ASAP3: variants seen among roughly 807,000 people sequenced by gnomAD.
ASAP3 encodes the protein ArfGAP with SH3 domain, ankyrin repeat and PH domain 3, also known as arf-GAP with SH3 domain, ANK repeat and PH domain-containing protein 3.
Under a neutral mutation model 118.2 loss-of-function variants are expected in ASAP3, and 85 were observed. The ratio of observed to expected loss-of-function variants is 0.72; its 90% CI spans 0.60 to 0.86. The LOEUF (loss-of-function observed/expected upper bound fraction) is 0.86, where lower values mean the gene tolerates loss of function less well. Among genes scored for constraint, ASAP3 ranks in the 40% least tolerant of loss-of-function variants. ASAP3 has a pLI of 0.00. For synonymous variants in ASAP3, 432 were observed against 477.4 expected (o/e 0.90, Z 1.24); for missense variants, 1,026 against 1,175.0 (o/e 0.87, Z 1.85).
rs779337722 is a variant in ASAP3, at chr1:23,433,142, G to A, written c.2258C>T (p.Pro753Leu). Reference protein sequence around the residue: ...TPQGESEDCPPPLPVKNSSRT... With the variant: ...TPQGESEDCPLPLPVKNSSRT... The stretch of plus-strand genomic sequence containing the variant: ...AGAAGAGTTTTTGACTGGCAAGGGC[G>A]GGGGACAGTCCTCACTCTCGCCCTG... Residue 753 changes from proline to leucine, a missense_variant, in exon 22 of 25, where the codon CCG becomes CTG. Physicochemically the swap from Pro to Leu is moderately conservative, Grantham distance 98. Transcript: ENST00000336689. 16 of 1,614,016 alleles carry A rather than the reference G, an allele frequency of 9.9e-6. No homozygotes were observed. Among genetic ancestry groups the A allele is most frequent in the South Asian group, 3.3e-5 (3 of 91,084 alleles).
chr1:23,477,020 A>T (rs553688756), intron 1 of ASAP3, among the ~76,000 whole-genome samples: 1 of 151,868 alleles, frequency 6.6e-6, no homozygotes, highest in East Asian at 2.0e-4. Context: ...TCTTAATAAA[A>T]TAATATTTTG....
Position 23,437,587 on chromosome 1 carries a change from G to A in ASAP3, c.1103-115C>T, listed in dbSNP as rs542922445. ...CATGGAGATGTGTCCCTGACAAGTC[G>A]GACTCTCAAGCTAGGAGTGGGAAGG... On this transcript the variant is annotated intron_variant, in intron 12 of 24. Coordinates refer to ENST00000336689, the MANE Select transcript of ASAP3 (RefSeq NM_017707.4). The surrounding 1 kb of genome is among the most constrained non-coding windows in gnomAD (Gnocchi z 6.1). 2.8e-3 allele frequency: 3,566 copies of A among 1,296,360 alleles called. 10 individuals are homozygous for A. The highest frequency in any genetic ancestry group is 3.5e-3 in the Non-Finnish European group (3,240 of 932,234). The allele number at this position is 1,296,360 out of a possible 1,614,324, so 80.3% of individuals were successfully genotyped here.
intron 1 of ASAP3, among the ~76,000 whole-genome samples, chr1:23,460,625 G>A (rs966383247): frequency 6.6e-6 from 1 of 152,122 alleles, no homozygotes; most frequent in Non-Finnish European, 1.5e-5. Context: ...CATTGTTGGT[G>A]GGAATGCAAA....
In ASAP3 at chr1:23,436,983, G is replaced by A. The variant is rs1449103560; in HGVS notation, c.1404C>T (p.His468=). The A allele has an allele frequency of 1.9e-6, 3 of 1,612,266 alleles. No homozygotes were observed. The Admixed American group carries it at 5.0e-5, about 27-fold the overall frequency. Residue 468 remains histidine, a synonymous_variant, in exon 15 of 25, where the codon CAC becomes CAT. Coordinates refer to ENST00000336689, the MANE Select transcript of ASAP3 (RefSeq NM_017707.4). The surrounding 1 kb of genome is among the most constrained non-coding windows in gnomAD (Gnocchi z 4.2). ...GCGAAAAGCGCACGCCCAGTTCGCG[G>A]TGGACGCCCGAGCACTGGATGCAGG... ...VLTCIQCSGV[H]RELGVRFSRM...
At chr1:23,433,745 G>A in intron 19 of ASAP3, 52 bp from the exon 20 acceptor site, 1 of 1,609,398 alleles carries the variant, frequency 6.2e-7, no homozygotes, top group South Asian at 1.1e-5. Context: ...AAACATTACA[G>A]CTTAGAGATT....
At chr1:23,484,322 T>C (rs1282288905), upstream of ASAP3, 1 of 471,248 alleles carries the variant, frequency 2.1e-6, no homozygotes, top group Non-Finnish European at 3.0e-6. Context: ...CCCCGGCTCC[T>C]CGCCTTCCTC....
At chr1:23,435,793 A>C in intron 17 of ASAP3, 58 bp downstream of exon 17, 1 of 1,595,150 alleles carries the variant, frequency 6.3e-7, no homozygotes, top group Non-Finnish European at 8.6e-7. Flanking sequence ...GTCCTGGAGA[A>C]GAACTGGGGA....
In ASAP3 at chr1:23,441,117, T is replaced by C; in HGVS notation, c.929A>G (p.Tyr310Cys). ...AATCACTTACCCGTCACTTTTCTTGTATAGAAAGCCCACTTTCTCCGTCCC... is the reference window on the plus strand; with the variant it reads ...AATCACTTACCCGTCACTTTTCTTGCATAGAAAGCCCACTTTCTCCGTCCC... The part of the protein sequence containing the change: ...QFGTEKVGFL[Y>C]KKSDGIRRVW... Residue 310 changes from tyrosine (Y) to cysteine (C), a missense_variant, in exon 10 of 25, where the codon TAC (tyrosine) becomes TGC (cysteine). Coordinates refer to ENST00000336689, the MANE Select transcript of ASAP3 (RefSeq NM_017707.4). 1.2e-6 allele frequency: 2 copies of C among 1,614,194 alleles called. No individual in the cohort carries two copies. The highest frequency in any genetic ancestry group is 1.7e-6 in the Non-Finnish European group (2 of 1,180,008).
chr1:23,473,326 C>A (rs2148659574), intron 1 of ASAP3, among the ~76,000 whole-genome samples: 1 of 152,300 alleles, frequency 6.6e-6, no homozygotes, highest in Middle Eastern at 3.4e-3. Flanking sequence ...GGTCTAAAAC[C>A]AGTCAAGTTA....
At chr1:23,483,113 T>TA (rs1642363975) in intron 1 of ASAP3, among the ~76,000 whole-genome samples, 1 of 152,150 alleles carries the variant, frequency 6.6e-6, no homozygotes, top group Admixed American at 6.5e-5. Flanking sequence ...CGCAGGGTGT[T>TA]ATGAACTACT....
chr1:23,455,073 T>C (rs1357297322), intron 3 of ASAP3, among the ~76,000 whole-genome samples: 1 of 152,152 alleles, frequency 6.6e-6, no homozygotes, highest in Non-Finnish European at 1.5e-5. Flanking sequence ...GAGGCTTTCC[T>C]GGGAGGCAGT....
chr1:23,434,447 G>A, intron 18 of ASAP3, 78 bp from the exon 19 acceptor site: 2 of 1,599,754 alleles, frequency 1.3e-6, no homozygotes, highest in African/African-American at 1.3e-5. Flanking sequence ...AAAAGTGGGA[G>A]GGGAAAGGAG....
chr1:23,437,145 C>G lies in ASAP3; in HGVS notation c.1327G>C (p.Asp443His). The change falls in exon 14 of 25, where the codon GAC becomes CAC. Residue 443 changes from aspartate (D) to histidine (H), a missense_variant. Transcript: ENST00000336689. This position sits in a 1 kb window ranked among gnomAD's most constrained non-coding sequence, Gnocchi z 6.1. ...GGGGACCGACCTGCAGCCCCGCAGTCGCAGCACTGGCTATTCCCAGGCCTG... is the reference window on the plus strand; with the variant it reads ...GGGGACCGACCTGCAGCCCCGCAGTGGCAGCACTGGCTATTCCCAGGCCTG... ...KSRPGNSQCCDCGAADPTWLS... is the reference protein window; with the variant it reads ...KSRPGNSQCCHCGAADPTWLS... The G allele has an allele frequency of 6.2e-7, 1 of 1,605,432 alleles. No homozygotes were observed.
intron 3 of ASAP3, among the ~76,000 whole-genome samples, chr1:23,455,518 G>A (rs1263741143): frequency 6.6e-6 from 1 of 152,160 alleles, no homozygotes; most frequent in African/African-American, 2.4e-5. Context: ...GGCAGCGGTG[G>A]TGGTGGCAGT....
chr1:23,437,286 C>T lies in ASAP3; in HGVS notation c.1186G>A (p.Ala396Thr). ...VSVLQNSKDE[A>T]LSSAFLGEPS... is the part of the protein sequence containing the mutation. Reference sequence around the variant, plus strand: ...TCCCCGAGGAAGGCGCTGCTCAGGGCTTCGTCCTTGCTGTTCTGCAACACT... The same window carrying T: ...TCCCCGAGGAAGGCGCTGCTCAGGGTTTCGTCCTTGCTGTTCTGCAACACT... Residue 396 changes from alanine (A) to threonine (T), a missense_variant, in exon 14 of 25, where the codon GCC (alanine) becomes ACC (threonine). Coordinates refer to ENST00000336689, the MANE Select transcript of ASAP3 (RefSeq NM_017707.4). The surrounding 1 kb of genome is among the most constrained non-coding windows in gnomAD (Gnocchi z 6.1). The T allele has an allele frequency of 1.2e-6, 2 of 1,606,162 alleles. No individual in the cohort carries two copies. Among genetic ancestry groups the T allele is most frequent in the African/African-American group, 1.3e-5 (1 of 74,944 alleles).
intron 1 of ASAP3, among the ~76,000 whole-genome samples, chr1:23,457,732 C>CA (rs1402932796): frequency 6.6e-6 from 1 of 152,164 alleles, no homozygotes; most frequent in African/African-American, 2.4e-5. Flanking sequence ...AGGTTGGTCT[C>CA]AAACTCCTGA....
At chr1:23,479,609 T>C (rs1642243760) in intron 1 of ASAP3, among the ~76,000 whole-genome samples, 1 of 152,098 alleles carries the variant, frequency 6.6e-6, no homozygotes, top group Admixed American at 6.5e-5. Flanking sequence ...AAGAAGGAAA[T>C]CCTTTCTAAA....
chr1:23,472,830 C>A (rs971042032), intron 1 of ASAP3, among the ~76,000 whole-genome samples: 3 of 152,274 alleles, frequency 2.0e-5, no homozygotes, highest in Non-Finnish European at 1.5e-5. Context: ...TATGTGTTAT[C>A]CCCTCAAACA....
chr1:23,436,580 T>C lies in ASAP3; in HGVS notation c.1551A>G (p.Lys517=). The C allele has an allele frequency of 6.2e-7, 1 of 1,614,160 alleles. No individual in the cohort carries two copies. The highest frequency in any genetic ancestry group is 8.5e-7 in the Non-Finnish European group (1 of 1,180,022). The part of the protein sequence containing the change: ...EAQLPSHGGP[K]PSAESDMGTR... ...CTTACATGTCACTCTCAGCTGAGGG[T>C]TTAGGGCCGCCGTGTGAGGGTAGCT... Residue 517 remains lysine (K), a synonymous_variant, in exon 16 of 25, where the codon AAA becomes AAG. Transcript: ENST00000336689. The surrounding 1 kb of genome is among the most constrained non-coding windows in gnomAD (Gnocchi z 4.2).
Sources: gnomAD v4.1 joint callset for allele counts (sites outside exome capture counted in the v4.1 genomes callset) on GRCh38, gnomAD v4.1.1 for gene constraint, Gnocchi (gnomAD v3.1) non-coding constraint, MANE v1.5 for transcripts, NCBI Gene and HGNC (gene_info 2026-07-23, HGNC 2026-07-21) for gene names.